VWA8: variants seen among roughly 807,000 people sequenced by gnomAD.
VWA8 encodes von Willebrand factor A domain-containing protein 8.
VWA8 carries 221 observed loss-of-function variants against 241.5 expected under a neutral mutation model. The observed-to-expected ratio is 0.91, with a 90% confidence interval of 0.82 to 1.02. The LOEUF (loss-of-function observed/expected upper bound fraction) is 1.02, where lower values mean the gene tolerates loss of function less well. Ranked by LOEUF, VWA8 falls within the 50% of genes least tolerant of loss-of-function variation. The pLI is 0.00. For missense variants in VWA8, 2,322 were observed against 2,328.7 expected (o/e 1.00, Z 0.06); for synonymous variants, 852 against 827.1 (o/e 1.03, Z -0.52).
chr13:41,713,694 A>C (rs1156598564), intron 26 of VWA8, among the ~76,000 whole-genome samples: 1 of 152,174 alleles, frequency 6.6e-6, no homozygotes, highest in African/African-American at 2.4e-5. Context: ...ATGACATTTA[A>C]ACCTATGCAT....
chr13:41,668,333 T>C (rs962216382), intron 37 of VWA8, among the ~76,000 whole-genome samples: 15 of 152,178 alleles, frequency 9.9e-5, no homozygotes, highest in Admixed American at 2.0e-4. Context: ...AAAAAGTAAG[T>C]CCATCTGGCC....
At chr13:41,747,071 G>A (rs539765105) in intron 21 of VWA8, among the ~76,000 whole-genome samples, 82 of 152,256 alleles carry the variant, frequency 5.4e-4, no homozygotes, top group African/African-American at 2.0e-3. Context: ...GGATTGACTT[G>A]GCAATGCGGG....
At chr13:41,926,758 A>T (rs1483081253) in intron 2 of VWA8, 4 of 541,848 alleles carry the variant, frequency 7.4e-6, no homozygotes, top group Non-Finnish European at 1.5e-5. Flanking sequence ...CCTTCCAGAG[A>T]ATCAGCATGG....
Position 41,568,230 on chromosome 13 carries a change from C to A in VWA8, c.5685G>T (p.Gln1895His). Residue 1895 changes from glutamine to histidine, a missense_variant, in exon 45 of 45, where the codon CAG becomes CAT. Gln to His is a conservative substitution (Grantham distance 24). Transcript: ENST00000379310. ...TCGACAACATGGTGGAGGTGAAGAT[C>A]TGTTGTAAAATCTGAGGGATATCCT... is the stretch of plus-strand genomic sequence containing the variant. ...DTKDIPQILQ[Q>H]IFTSTMLSSV 6.2e-7 allele frequency: 1 copy of A among 1,614,108 alleles called. No homozygotes were observed. Among genetic ancestry groups the A allele is most frequent in the Non-Finnish European group, 8.5e-7 (1 of 1,179,986 alleles).
chr13:41,580,380 T>G (rs1473754077), intron 42 of VWA8, among the ~76,000 whole-genome samples: 1 of 152,216 alleles, frequency 6.6e-6, no homozygotes, highest in Non-Finnish European at 1.5e-5. Context: ...ATGACTGATC[T>G]CCATTTCTAA....
intron 5 of VWA8, among the ~76,000 whole-genome samples, chr13:41,890,843 T>C (rs1197554420): frequency 6.6e-6 from 1 of 152,194 alleles, no homozygotes; most frequent in Non-Finnish European, 1.5e-5. Context: ...GATCACTGAC[T>C]GCTGTGTTGA....
intron 12 of VWA8, among the ~76,000 whole-genome samples, chr13:41,841,054 A>G (rs997031012): frequency 6.6e-6 from 1 of 152,360 alleles, no homozygotes; most frequent in Admixed American, 6.5e-5. Context: ...AAACTGAGGT[A>G]TGAGAAGGTC....
chr13:41,855,506 C>A (rs1311100488), intron 12 of VWA8, among the ~76,000 whole-genome samples: 1 of 151,340 alleles, frequency 6.6e-6, no homozygotes, highest in East Asian at 1.9e-4. Context: ...TTAAAAGGAA[C>A]AAACTACTGA....
At chr13:41,696,991 T>C (rs2045219265) in intron 29 of VWA8, among the ~76,000 whole-genome samples, 1 of 152,234 alleles carries the variant, frequency 6.6e-6, no homozygotes, top group South Asian at 2.1e-4. Context: ...TATTTCCTGG[T>C]AGGAGCTCTC....
chr13:41,584,253 A>C (rs748864065), intron 42 of VWA8, among the ~76,000 whole-genome samples: 14 of 152,124 alleles, frequency 9.2e-5, no homozygotes, highest in Non-Finnish European at 1.5e-4. Flanking sequence ...GAAAACAAAT[A>C]AGAGTCCTGG....
chr13:41,893,689 G>A (rs1593850796), intron 4 of VWA8, among the ~76,000 whole-genome samples: 1 of 152,076 alleles, frequency 6.6e-6, no homozygotes, highest in Admixed American at 6.6e-5. Context: ...TTCAAGACCA[G>A]CCTGGCCAAT....
chr13:41,685,314 C>G, intron 34 of VWA8, 72 bp from the exon 35 acceptor site: 1 of 1,395,158 alleles, frequency 7.2e-7, no homozygotes, highest in Non-Finnish European at 9.7e-7. Flanking sequence ...ACAACGCAGC[C>G]CTTTAAGCAG....
chr13:41,747,109 A>G (rs1339094238), intron 21 of VWA8, among the ~76,000 whole-genome samples: 4 of 152,180 alleles, frequency 2.6e-5, no homozygotes, highest in African/African-American at 9.7e-5. Flanking sequence ...ATGAACTTTA[A>G]AGCAGTTTTT....
intron 12 of VWA8, among the ~76,000 whole-genome samples, chr13:41,864,308 TC>T (rs1227087501): frequency 2.6e-4 from 40 of 152,162 alleles, no homozygotes; most frequent in Admixed American, 5.2e-4. Flanking sequence ...ATAATTCCAT[TC>T]CTAGGTATAT....
chr13:41,796,102 A>G (rs1869688945), intron 17 of VWA8, among the ~76,000 whole-genome samples: 1 of 152,218 alleles, frequency 6.6e-6, no homozygotes, highest in Non-Finnish European at 1.5e-5. Flanking sequence ...TGATTTGTTA[A>G]TATTTTACTC....
rs554055315 is a variant in VWA8, at chr13:41,793,025, G to T, written c.2064-5482C>A. Among the ~76,000 whole-genome samples the T allele has an allele frequency of 2.0e-5, 3 of 152,168 alleles. No homozygotes were observed. In the South Asian group the frequency reaches 6.2e-4, roughly 32 times the overall value. ...AATGTACTTGCTAAAAGTGCTGAAA[G>T]ATATTCTTGTTTTGGTCCTAACTCT... On this transcript the variant is annotated intron_variant, in intron 17 of 44. Transcript: ENST00000379310.
At position 41,886,033 on chromosome 13, in the gene VWA8, G is replaced by C; in HGVS notation, c.867-5C>G. The C allele has an allele frequency of 6.4e-7, 1 of 1,550,708 alleles. No individual in the cohort carries two copies. Among genetic ancestry groups the C allele is most frequent in the Non-Finnish European group, 8.7e-7 (1 of 1,148,508 alleles). Reference sequence around the variant, plus strand: ...AAGGACAAGAGCTGAGAAACTCTAAGGGAAAAATGATATTAAATTTTAATA... The same window carrying C: ...AAGGACAAGAGCTGAGAAACTCTAACGGAAAAATGATATTAAATTTTAATA... On this transcript the variant is annotated splice_polypyrimidine_tract_variant and splice_region_variant and intron_variant, in intron 7 of 44. Coordinates refer to ENST00000379310, the MANE Select transcript of VWA8 (RefSeq NM_015058.2).
chr13:41,587,470 T>C, intron 42 of VWA8, 42 bp downstream of exon 42: 1 of 1,611,412 alleles, frequency 6.2e-7, no homozygotes, highest in Non-Finnish European at 8.5e-7. Context: ...TCCATCATCA[T>C]GGTCAATGAT....
chr13:41,811,229 A>G lies in VWA8; in HGVS notation c.2059T>C (p.Ser687Pro). ...AGTGAGAAAGAATATGTTTACCTGG[A>G]AAGGCAGGCTTTAGTAACAGCACTG... ...LHSAVTKACL[S>P]RFLPSLARSA... The change falls in exon 17 of 45, where the codon TCC (serine) becomes CCC (proline). Residue 687 changes from serine to proline, a missense_variant. Coordinates refer to ENST00000379310, the MANE Select transcript of VWA8 (RefSeq NM_015058.2). 6.2e-7 allele frequency: 1 copy of G among 1,602,482 alleles called. No individual in the cohort carries two copies. Among genetic ancestry groups the G allele is most frequent in the African/African-American group, 1.3e-5 (1 of 74,902 alleles).
Sources: gnomAD v4.1 joint callset for allele counts (sites outside exome capture counted in the v4.1 genomes callset) on GRCh38, gnomAD v4.1.1 for gene constraint, MANE v1.5 for transcripts, NCBI Gene and HGNC (gene_info 2026-07-23, HGNC 2026-07-21) for gene names.